PODXL2: variants seen among roughly 807,000 people sequenced by gnomAD.
PODXL2 encodes the protein podocalyxin-like protein 2.
A neutral mutation model predicts 53.4 loss-of-function variants in PODXL2; 17 were observed. The observed-to-expected ratio is 0.32, with a 90% CI of 0.22 to 0.48. The LOEUF is 0.48. Ranked by LOEUF, PODXL2 falls within the 20% of genes least tolerant of loss-of-function variation. The pLI is 0.99. For missense variants in PODXL2, 673 were observed against 760.0 expected (o/e 0.89, Z 1.35); for synonymous variants, 311 against 306.7 (o/e 1.01, Z -0.15).
At chr3:127,641,283 C>T in intron 2 of PODXL2, among the ~76,000 whole-genome samples, 1 of 152,082 alleles carries the variant, frequency 6.6e-6, no homozygotes. Flanking sequence ...GATCATAGTT[C>T]ACTGTAACCT....
intron 3 of PODXL2, among the ~76,000 whole-genome samples, chr3:127,661,954 C>T (rs2074770006): frequency 6.6e-6 from 1 of 152,220 alleles, no homozygotes; most frequent in African/African-American, 2.4e-5. Flanking sequence ...GTGGGGCAAG[C>T]TCTCTGCAGC....
chr3:127,629,289 G>C lies in PODXL2; in HGVS notation c.70G>C (p.Gly24Arg). 9.8e-7 allele frequency: 1 copy of C among 1,020,480 alleles called. No homozygotes were observed. The highest frequency in any genetic ancestry group is 1.2e-6 in the Non-Finnish European group (1 of 852,624). 63.2% of individuals were successfully genotyped at this position (1,020,480 alleles called of 1,614,324 possible). The change falls in exon 1 of 8, where the codon GGA becomes CGA. Residue 24 changes from glycine to arginine, a missense_variant and splice_region_variant. Gly to Arg is a moderately radical substitution (Grantham distance 125). This residue lies in a region of PODXL2 where 588 missense variants were observed against 668.3 expected (regional missense o/e 0.88). Transcript: ENST00000342480. This position sits in a 1 kb window ranked among gnomAD's most constrained non-coding sequence, Gnocchi z 6.4. ...LSPLLLLLVG[G>R]AFLGACVAGS... ...GCCGCTGCTGCTTCTGCTGGTTGGGGGTGAGTGCGCTCCGGGCCCGAGCGC... is the reference window on the plus strand; with the variant it reads ...GCCGCTGCTGCTTCTGCTGGTTGGGCGTGAGTGCGCTCCGGGCCCGAGCGC...
intron 2 of PODXL2, among the ~76,000 whole-genome samples, chr3:127,644,116 G>C (rs1363013705): frequency 1.3e-5 from 2 of 151,890 alleles, no homozygotes; most frequent in East Asian, 3.9e-4. Flanking sequence ...ATATTTTGTT[G>C]CTGTTGTTGT....
chr3:127,632,068 A>G (rs1250741384), intron 1 of PODXL2, among the ~76,000 whole-genome samples: 2 of 152,176 alleles, frequency 1.3e-5, no homozygotes, highest in African/African-American at 4.8e-5. Context: ...GAGCCATGGA[A>G]ATGACAGGGA....
At chr3:127,635,782 G>A (rs917140090) in intron 1 of PODXL2, among the ~76,000 whole-genome samples, 8 of 152,146 alleles carry the variant, frequency 5.3e-5, no homozygotes, top group South Asian at 2.1e-4. Context: ...GGATTAAAAC[G>A]GTAGCCATTT....
At chr3:127,636,701 T>G (rs984159104) in intron 1 of PODXL2, among the ~76,000 whole-genome samples, 1 of 152,228 alleles carries the variant, frequency 6.6e-6, no homozygotes, top group Non-Finnish European at 1.5e-5. Context: ...GTGTGATAGC[T>G]TCCTGGTTTG....
At chr3:127,648,622 C>CTT (rs1273421049) in intron 2 of PODXL2, among the ~76,000 whole-genome samples, 3 of 141,790 alleles carry the variant, frequency 2.1e-5, no homozygotes, top group Non-Finnish European at 3.1e-5. Flanking sequence ...TCTTTCTGGA[C>CTT]TTTTTTTTTT....
Position 127,668,458 on chromosome 3 carries a change from C to T in PODXL2, c.1224C>T (p.His408=). 1.3e-6 allele frequency: 2 copies of T among 1,548,808 alleles called. No homozygotes were observed. Among genetic ancestry groups the T allele is most frequent in the Non-Finnish European group, 1.7e-6 (2 of 1,148,800 alleles). The change falls in exon 5 of 8, where the codon CAC becomes CAT. Residue 408 remains histidine, a synonymous_variant. Coordinates refer to ENST00000342480, the MANE Select transcript of PODXL2 (RefSeq NM_015720.4). ...CCTTGTAGGAGGTGTTCCGGCAGCA[C>T]CGGGGGCCACAGCTCCTGGCCCTGG... ...ENIDCEVFRQ[H]RGPQLLALVE...
rs182615030 is a variant in PODXL2, at chr3:127,653,692, C to T, written c.350-6686C>T. ...AGAGAAAGTGTCTCTCACATGTGCA[C>T]GCTCTCTCTGTTACTCCTTATTTTA... On this transcript the variant is annotated intron_variant, in intron 2 of 7. Coordinates refer to ENST00000342480, the MANE Select transcript of PODXL2 (RefSeq NM_015720.4). Among the ~76,000 whole-genome samples the T allele has an allele frequency of 6.0e-4, 91 of 151,864 alleles. No homozygotes were observed. In the East Asian group the frequency reaches 0.013, roughly 21 times the overall value.
At chr3:127,669,118 T>C (rs755708440) in intron 5 of PODXL2, 23 bp from the exon 6 acceptor site, 3 of 1,565,824 alleles carry the variant, frequency 1.9e-6, no homozygotes, top group South Asian at 1.1e-5. Flanking sequence ...GTCACACTGA[T>C]AGTGGTGTTT....
chr3:127,671,545 A>G lies in PODXL2; in HGVS notation c.1537A>G (p.Ile513Val), dbSNP rs1201779523. ...VVLVVIGAIC[I>V]IIIALGLLYN... Reference sequence around the variant, plus strand: ...GCTGGTGGTCATTGGGGCCATCTGCATCATCATCATTGCGCTTGGCCTGCT... The same window carrying G: ...GCTGGTGGTCATTGGGGCCATCTGCGTCATCATCATTGCGCTTGGCCTGCT... Residue 513 changes from isoleucine to valine, a missense_variant, in exon 7 of 8, where the codon ATC becomes GTC. Ile to Val is a conservative substitution (Grantham distance 29). Around this residue, in one of 3 missense-constraint regions of PODXL2, gnomAD observed 588 missense variants for 668.3 expected, o/e 0.88. Transcript: ENST00000342480. 3.7e-6 allele frequency: 6 copies of G among 1,613,852 alleles called. 1 individual carries two copies. In the South Asian group the frequency reaches 6.6e-5, roughly 18 times the overall value.
intron 5 of PODXL2, among the ~76,000 whole-genome samples, 197 bp from the exon 6 acceptor site, chr3:127,668,944 C>T (rs1444818831): frequency 1.3e-5 from 2 of 152,126 alleles, no homozygotes; most frequent in Non-Finnish European, 2.9e-5. Flanking sequence ...TTATACAAAT[C>T]GATGTTCTAA....
At position 127,650,462 on chromosome 3, in the gene PODXL2, G is replaced by A. The variant is rs2074681595; in HGVS notation, c.350-9916G>A. Among the ~76,000 whole-genome samples, 4 of 152,172 alleles carry A rather than the reference G, an allele frequency of 2.6e-5. No individual in the cohort carries two copies. The South Asian group carries it at 8.3e-4, about 31-fold the overall frequency. On this transcript the variant is annotated intron_variant, in intron 2 of 7. Transcript: ENST00000342480. ...CCAGCACCAACCCATCACAGGGGGC[G>A]CGGGAGAGCTCAGCTTACCAGCTGT...
chr3:127,671,965 G>A lies in PODXL2; in HGVS notation c.1606-303G>A, dbSNP rs570583567. 5.3e-5 allele frequency among the ~76,000 whole-genome samples: 8 copies of A among 152,350 alleles called. No homozygotes were observed. In the South Asian group the frequency reaches 8.3e-4, roughly 16 times the overall value. On this transcript the variant is annotated intron_variant, in intron 7 of 7. Coordinates refer to ENST00000342480, the MANE Select transcript of PODXL2 (RefSeq NM_015720.4). ...CAAGGAGAGGCTCCAGCAGCCTAGA[G>A]GCCTCCCCAGGAGGAAGCGAGCAGA...
At chr3:127,654,032 C>T (rs1404537718) in intron 2 of PODXL2, among the ~76,000 whole-genome samples, 1 of 152,186 alleles carries the variant, frequency 6.6e-6, no homozygotes, top group African/African-American at 2.4e-5. Context: ...TTTATTCAAA[C>T]TTTGCCAGTT....
intron 4 of PODXL2, among the ~76,000 whole-genome samples, chr3:127,662,760 G>A (rs574648124): frequency 6.6e-6 from 1 of 152,286 alleles, no homozygotes; most frequent in East Asian, 1.9e-4. Flanking sequence ...TGCTAGGGTT[G>A]TCAGCTATGG....
At position 127,629,864 on chromosome 3, in the gene PODXL2, G is replaced by A. The variant is rs1049680253; in HGVS notation, c.70+575G>A. Among the ~76,000 whole-genome samples the A allele has an allele frequency of 2.6e-5, 4 of 152,194 alleles. No individual in the cohort carries two copies. Among genetic ancestry groups the A allele is most frequent in the Admixed American group, 6.5e-5 (1 of 15,280 alleles). On this transcript the variant is annotated intron_variant, in intron 1 of 7. Transcript: ENST00000342480. The surrounding 1 kb of genome is among the most constrained non-coding windows in gnomAD (Gnocchi z 6.4). ...CCTGTTCTGGGCGACTCTATTAGGA[G>A]CTGACAAAAACGGGCGTACAGCCAC... is the stretch of plus-strand genomic sequence containing the variant.
chr3:127,629,250 C>T lies in PODXL2; in HGVS notation c.31C>T (p.Pro11Ser). 9.9e-7 allele frequency: 1 copy of T among 1,008,130 alleles called. No individual in the cohort carries two copies. Among genetic ancestry groups the T allele is most frequent in the South Asian group, 4.5e-5 (1 of 22,290 alleles). The allele number at this position is 1,008,130 out of a possible 1,614,324, so 62.4% of individuals were successfully genotyped here. A position where few individuals can be genotyped will look rare whatever the true frequency, so the allele number is the denominator to read the frequency against. Reference protein sequence around the residue: MGRLLRAARLPPLLSPLLLLL... With the variant: MGRLLRAARLSPLLSPLLLLL... The stretch of plus-strand genomic sequence containing the variant: ...CCGGCTGCTGCGGGCCGCCCGGCTG[C>T]CGCCGCTGCTTTCGCCGCTGCTGCT... The change falls in exon 1 of 8, where the codon CCG becomes TCG. Residue 11 changes from proline (P) to serine (S), a missense_variant. Pro to Ser is a moderately conservative substitution (Grantham distance 74, BLOSUM62 -1). Around this residue, in one of 3 missense-constraint regions of PODXL2, gnomAD observed 588 missense variants for 668.3 expected, o/e 0.88. Coordinates refer to ENST00000342480, the MANE Select transcript of PODXL2 (RefSeq NM_015720.4). The surrounding 1 kb of genome is among the most constrained non-coding windows in gnomAD (Gnocchi z 6.4).
chr3:127,655,131 C>A (rs145833023), intron 2 of PODXL2, among the ~76,000 whole-genome samples: 2 of 151,916 alleles, frequency 1.3e-5, no homozygotes, highest in African/African-American at 4.8e-5. Context: ...TTAGTAGAGA[C>A]GGGATTTCAC....
Sources: gnomAD v4.1 joint callset for allele counts (sites outside exome capture counted in the v4.1 genomes callset) on GRCh38, gnomAD v4.1.1 for gene constraint, gnomAD v4.1.1 regional missense constraint, Gnocchi (gnomAD v3.1) non-coding constraint, MANE v1.5 for transcripts, NCBI Gene and HGNC (gene_info 2026-07-23, HGNC 2026-07-21) for gene names.